The following TAF1C variants were observed in gnomAD, a reference collection of about 807,000 sequenced individuals.
The protein encoded by TAF1C is TATA box-binding protein-associated factor RNA polymerase I subunit C.
In TAF1C, 79 loss-of-function variants were observed where a neutral mutation model predicts 70.5. The ratio of observed to expected loss-of-function variants is 1.12; its 90% CI spans 0.93 to 1.35. The LOEUF is 1.35. Among genes scored for constraint, TAF1C ranks in the 40% most tolerant of loss-of-function variants. TAF1C has a pLI of 0.00. For synonymous variants in TAF1C, 614 were observed against 491.1 expected, an observed-to-expected ratio of 1.25 and a Z score of -3.31; for missense variants, 1,412 against 1,127.8, an observed-to-expected ratio of 1.25 and a Z score of -3.61.
At position 84,184,978 on chromosome 16, in the gene TAF1C, G is replaced by T. The variant is rs949558823; in HGVS notation, c.11C>A (p.Pro4His). Reference sequence around the variant, plus strand: ...AAACAATGCAGGGCGGAGGGAGCTGGGGAAGTCCATCCTGGAAACAAGGAC... The same window carrying T: ...AAACAATGCAGGGCGGAGGGAGCTGTGGAAGTCCATCCTGGAAACAAGGAC... MDF[P>H]SSLRPALFLT... The change falls in exon 2 of 15, where the codon CCC (proline) becomes CAC (histidine). Residue 4 changes from proline to histidine, a missense_variant. Pro to His is a moderately conservative substitution (Grantham distance 77). Transcript: ENST00000566732. The T allele has an allele frequency of 6.2e-7, 1 of 1,613,408 alleles. No individual in the cohort carries two copies. The highest frequency in any genetic ancestry group is 8.5e-7 in the Non-Finnish European group (1 of 1,179,702).
rs765429384 is a variant in TAF1C at position 84,181,120 on chromosome 16, G to A, written c.1231C>T (p.Arg411Cys). 68 of 1,613,068 alleles carry A rather than the reference G, an allele frequency of 4.2e-5. No individual in the cohort carries two copies. Among genetic ancestry groups the A allele is most frequent in the Middle Eastern group, 1.6e-4 (1 of 6,080 alleles). The change falls in exon 12 of 15, where the codon CGT (arginine) becomes TGT (cysteine). Residue 411 changes from arginine to cysteine, a missense_variant. Physicochemically the swap from Arg to Cys is radical, Grantham distance 180 (BLOSUM62 -3). Coordinates refer to ENST00000566732, the MANE Select transcript of TAF1C (RefSeq NM_001243156.2). ...GAEASCQKGE[R>C]VLLTQYLGHS... ...CCCAGGTACTGGGTAAGCAGGACAC[G>A]TTCCCCTTTCTGGCACGAAGCCTCT...
chr16:84,180,138 C>T, intron 13 of TAF1C, 32 bp downstream of exon 13: 2 of 1,563,302 alleles, frequency 1.3e-6, no homozygotes, highest in Non-Finnish European at 1.7e-6. Flanking sequence ...CCCCATCTCC[C>T]ACACGCCGCC....
Position 84,178,817 on chromosome 16 carries a change from C to T in TAF1C, c.*124G>A. 1.8e-6 allele frequency: 2 copies of T among 1,100,396 alleles called. No individual in the cohort carries two copies. The highest frequency in any genetic ancestry group is 2.5e-5 in the East Asian group (1 of 40,612). 68.2% of individuals were successfully genotyped at this position (1,100,396 alleles called of 1,614,324 possible). ...CTTGGCTCCAAATTGCTTGGCTCAT[C>T]ATCACAGTGGCCTCCAGAAGGTGGC... On this transcript the variant is annotated 3_prime_UTR_variant, in exon 15 of 15. Coordinates refer to ENST00000566732, the MANE Select transcript of TAF1C (RefSeq NM_001243156.2).
In TAF1C at chr16:84,180,498, G is replaced by A. The variant is rs150849333; in HGVS notation, c.1309-154C>T. On this transcript the variant is annotated intron_variant, in intron 12 of 14. Coordinates refer to ENST00000566732, the MANE Select transcript of TAF1C (RefSeq NM_001243156.2). ...TCCACGTGCCTCTCAGACTTCACCT[G>A]CCAGCCCTGAACAGGTGCCGCTTCC... is the stretch of plus-strand genomic sequence containing the variant. 4.5e-4 allele frequency: 355 copies of A among 792,308 alleles called. 1 individual carries two copies. In the African/African-American group the frequency reaches 5.9e-3, roughly 13 times the overall value. The allele number at this position is 792,308 out of a possible 1,614,324, so 49.1% of individuals were successfully genotyped here.
chr16:84,183,849 T>C (rs1173878110), intron 2 of TAF1C, 71 bp from the exon 3 acceptor site: 10 of 1,197,434 alleles, frequency 8.4e-6, no homozygotes, highest in African/African-American at 1.5e-5. Flanking sequence ...TGCACAGGCA[T>C]TCATCTCTTA....
chr16:84,179,363 C>T lies in TAF1C; in HGVS notation c.2110G>A (p.Ala704Thr), dbSNP rs745621785. The T allele has an allele frequency of 6.2e-7, 1 of 1,600,338 alleles. No individual in the cohort carries two copies. The highest frequency in any genetic ancestry group is 8.5e-7 in the Non-Finnish European group (1 of 1,178,834). ...RLGEAWAGRG[A>T]AWWERQQGRT... ...CCCTGCTGCCTCTCCCACCAGGCAGCCCCTCGGCCTGCCCAGGCTTCCCCC... is the reference window on the plus strand; with the variant it reads ...CCCTGCTGCCTCTCCCACCAGGCAGTCCCTCGGCCTGCCCAGGCTTCCCCC... The change falls in exon 15 of 15, where the codon GCT (alanine) becomes ACT (threonine). Residue 704 changes from alanine (A) to threonine (T), a missense_variant. By Grantham distance (58) the Ala-to-Thr change is moderately conservative. Transcript: ENST00000566732.
intron 14 of TAF1C, 45 bp downstream of exon 14, chr16:84,179,901 T>C: frequency 6.2e-7 from 1 of 1,608,200 alleles, no homozygotes; most frequent in African/African-American, 1.3e-5. Flanking sequence ...GGGGAGGGGA[T>C]GTTTTCCACT....
At position 84,184,865 on chromosome 16, in the gene TAF1C, G is replaced by A. The variant is rs1282895970; in HGVS notation, c.124C>T (p.Pro42Ser). 3 of 1,606,884 alleles carry A rather than the reference G, an allele frequency of 1.9e-6. No homozygotes were observed. Among genetic ancestry groups the A allele is most frequent in the East Asian group, 2.2e-5 (1 of 44,528 alleles). The change falls in exon 2 of 15, where the codon CCC (proline) becomes TCC (serine). Residue 42 changes from proline (P) to serine (S), a missense_variant. Pro to Ser is a moderately conservative substitution (Grantham distance 74). Transcript: ENST00000566732. ...RDALTLPEAQ[P>S]QNSENGALHV... The stretch of plus-strand genomic sequence containing the variant: ...TGCATCCTCACCTCTGAGTTCTGGG[G>A]CTGGGCCTCTGGCAGAGTCAGTGCG...
At position 84,178,934 on chromosome 16, in the gene TAF1C, T is replaced by C; in HGVS notation, c.*7A>G. ...TCTGGGGCTTGAGGGCAGCCCACCT[T>C]GTGTCCTCAGAAGCCCATTCGAGGC... On this transcript the variant is annotated 3_prime_UTR_variant, in exon 15 of 15. Transcript: ENST00000566732. 1 of 1,585,628 alleles carries C rather than the reference T, an allele frequency of 6.3e-7. No individual in the cohort carries two copies. Among genetic ancestry groups the C allele is most frequent in the Non-Finnish European group, 8.6e-7 (1 of 1,168,104 alleles).
Position 84,182,037 on chromosome 16 carries a change from G to T in TAF1C, c.743C>A (p.Thr248Asn). 3 of 1,613,394 alleles carry T rather than the reference G, an allele frequency of 1.9e-6. No homozygotes were observed. The highest frequency in any genetic ancestry group is 2.2e-5 in the South Asian group (2 of 91,088). ...DRLHFQEVVL[T>N]PGDNPQFLGK... is the part of the protein sequence containing the mutation. ...AAGGAATTGGGGATTGTCACCTGGG[G>T]TCAGAACGACCTCTTGGAAATCTGG... Residue 248 changes from threonine (T) to asparagine (N), a missense_variant, in exon 8 of 15, where the codon ACC (threonine) becomes AAC (asparagine). Thr to Asn is a moderately conservative substitution (Grantham distance 65). Transcript: ENST00000566732. The surrounding 1 kb of genome is among the most constrained non-coding windows in gnomAD (Gnocchi z 5.0).
rs1442668836 is a variant in TAF1C at position 84,182,920 on chromosome 16, TG to T, written c.482+155del. 7.9e-5 allele frequency among the ~76,000 whole-genome samples: 12 copies of T among 152,314 alleles called. No homozygotes were observed. The highest frequency in any genetic ancestry group is 2.9e-4 in the African/African-American group (12 of 41,566). ...AAATCTGCTTTCCCCTGAGATGATTTGGAGTTGGAAGTCTGGTATAAGAAAG... is the reference window on the plus strand; with the variant it reads ...AAATCTGCTTTCCCCTGAGATGATTTGAGTTGGAAGTCTGGTATAAGAAAG... On this transcript the variant is annotated intron_variant, in intron 6 of 14. Coordinates refer to ENST00000566732, the MANE Select transcript of TAF1C (RefSeq NM_001243156.2). The surrounding 1 kb of genome is among the most constrained non-coding windows in gnomAD (Gnocchi z 5.0).
rs2088897423 is a variant in TAF1C at position 84,178,850 on chromosome 16, G to A, written c.*91C>T. 3 of 1,415,016 alleles carry A rather than the reference G, an allele frequency of 2.1e-6. No individual in the cohort carries two copies. Among genetic ancestry groups the A allele is most frequent in the Non-Finnish European group, 2.8e-6 (3 of 1,057,316 alleles). 87.7% of individuals were successfully genotyped at this position (1,415,016 alleles called of 1,614,324 possible). ...TGGCCTCCAGAAGGTGGCGAGCTCTGCTTCTCAAGTTTCAACTGTGGAAGG... is the reference window on the plus strand; with the variant it reads ...TGGCCTCCAGAAGGTGGCGAGCTCTACTTCTCAAGTTTCAACTGTGGAAGG... On this transcript the variant is annotated 3_prime_UTR_variant, in exon 15 of 15. Coordinates refer to ENST00000566732, the MANE Select transcript of TAF1C (RefSeq NM_001243156.2).
At chr16:84,184,493 G>A (rs552172445) in intron 2 of TAF1C, among the ~76,000 whole-genome samples, 1 of 152,310 alleles carries the variant, frequency 6.6e-6, no homozygotes, top group African/African-American at 2.4e-5. Flanking sequence ...TGCTGTTTCA[G>A]CATCCTTCTG....
chr16:84,184,307 C>G (rs1293994484), intron 2 of TAF1C, among the ~76,000 whole-genome samples: 2 of 152,218 alleles, frequency 1.3e-5, no homozygotes, highest in East Asian at 3.9e-4. Flanking sequence ...CCCCAAGCCT[C>G]TGCTCCACTG....
At position 84,181,356 on chromosome 16, in the gene TAF1C, C is replaced by A. The variant is rs776611590; in HGVS notation, c.1136G>T (p.Arg379Leu). The change falls in exon 11 of 15, where the codon CGC (arginine) becomes CTC (leucine). Residue 379 changes from arginine to leucine, a missense_variant. By Grantham distance (102) the Arg-to-Leu change is moderately radical. Transcript: ENST00000566732. ...AGTGTCCAGCATCTTCACTCCGGTGCGGTCACCCACGGTCAGCACCCGAGG... is the reference window on the plus strand; with the variant it reads ...AGTGTCCAGCATCTTCACTCCGGTGAGGTCACCCACGGTCAGCACCCGAGG... ...AHPRVLTVGD[R>L]TGVKMLDTQG... 6.2e-7 allele frequency: 1 copy of A among 1,613,658 alleles called. No individual in the cohort carries two copies. Among genetic ancestry groups the A allele is most frequent in the South Asian group, 1.1e-5 (1 of 91,074 alleles).
At position 84,181,865 on chromosome 16, in the gene TAF1C, T is replaced by A; in HGVS notation, c.839-2A>T. On this transcript the variant is annotated splice_acceptor_variant, in intron 8 of 14. Transcript: ENST00000566732. LOFTEE classifies it high-confidence loss of function. ...AGTCAGAGCGGACGGCCAGCAGAGC[T>A]GAGGAGGGATGGAAAGGGCCAGGGG... 6.2e-7 allele frequency: 1 copy of A among 1,614,060 alleles called. No homozygotes were observed. Among genetic ancestry groups the A allele is most frequent in the Non-Finnish European group, 8.5e-7 (1 of 1,180,002 alleles).
intron 12 of TAF1C, 183 bp from the exon 13 acceptor site, chr16:84,180,527 A>G: frequency 1.5e-6 from 1 of 647,594 alleles, no homozygotes; most frequent in Non-Finnish European, 2.5e-6. Context: ...CGCTTCCTTC[A>G]CCAATTCTGA....
rs1218788936 is a variant in TAF1C at position 84,183,752 on chromosome 16, G to A, written c.165C>T (p.Asp55=). The A allele has an allele frequency of 6.2e-7, 1 of 1,613,024 alleles. No homozygotes were observed. The highest frequency in any genetic ancestry group is 8.5e-7 in the Non-Finnish European group (1 of 1,179,296). ...CAGGGGTTGCCGGCTCCCACAGCAG[G>A]TCCTTGGTCACATGCAGTGCCCCAT... is the stretch of plus-strand genomic sequence containing the variant. ...SENGALHVTK[D]LLWEPATPGP... The change falls in exon 3 of 15, where the codon GAC becomes GAT. Residue 55 remains aspartate (D), a synonymous_variant. Transcript: ENST00000566732.
At chr16:84,180,721 T>C (rs2089125067) in intron 12 of TAF1C, 3 of 1,082,910 alleles carry the variant, frequency 2.8e-6, no homozygotes, top group Non-Finnish European at 3.6e-6. Flanking sequence ...ACAGACCTGC[T>C]TCCTCAGAGC....
Sources: allele counts gnomAD v4.1 joint callset (sites outside exome capture counted in the v4.1 genomes callset), GRCh38; gene constraint gnomAD v4.1.1; non-coding constraint Gnocchi (gnomAD v3.1); transcripts MANE v1.5; gene names NCBI Gene and HGNC (gene_info 2026-07-23, HGNC 2026-07-21).